The following PDGFRL variants were observed in gnomAD, a reference collection of about 807,000 sequenced individuals.
PDGFRL encodes the protein platelet derived growth factor receptor like.
In PDGFRL, 46 loss-of-function variants were observed where a neutral mutation model predicts 37.2. The ratio of observed to expected loss-of-function variants is 1.24; its 90% CI spans 0.98 to 1.58. The LOEUF (loss-of-function observed/expected upper bound fraction) is 1.58, where lower values mean the gene tolerates loss of function less well. Ranked by LOEUF, PDGFRL falls within the 40% of genes most tolerant of loss-of-function variation. The pLI, the probability that PDGFRL is intolerant of heterozygous loss-of-function variation, is 0.00. For synonymous variants in PDGFRL, 251 were observed against 184.3 expected (o/e 1.36, Z -2.93); for missense variants, 692 against 467.6 (o/e 1.48, Z -4.43).
chr8:17,577,351 T>A (rs1803608145), intron 1 of PDGFRL, 44 bp downstream of exon 1: 1 of 1,546,960 alleles, frequency 6.5e-7, no homozygotes, highest in African/African-American at 1.4e-5. Context: ...GTGCCCTGAC[T>A]TTAGCCGGGA....
chr8:17,608,867 G>A (rs1804343257), intron 2 of PDGFRL, among the ~76,000 whole-genome samples: 1 of 152,100 alleles, frequency 6.6e-6, no homozygotes, highest in Non-Finnish European at 1.5e-5. Flanking sequence ...TTGTGTAAGT[G>A]ATGACCTGAT....
At chr8:17,618,479 A>G (rs1585323229) in intron 2 of PDGFRL, among the ~76,000 whole-genome samples, 1 of 152,244 alleles carries the variant, frequency 6.6e-6, no homozygotes, top group African/African-American at 2.4e-5. Flanking sequence ...TAATTGGGAT[A>G]ACACAATGAA....
intron 2 of PDGFRL, among the ~76,000 whole-genome samples, chr8:17,618,644 C>T (rs1039584723): frequency 7.2e-5 from 11 of 152,176 alleles, no homozygotes; most frequent in Non-Finnish European, 4.4e-5. Context: ...TCAGTTTTCC[C>T]CCTCTGCAAA....
upstream of PDGFRL, chr8:17,576,772 T>C: frequency 1.6e-5 from 12 of 737,338 alleles, no homozygotes; most frequent in Non-Finnish European, 2.0e-5. Context: ...TGAGTGCATG[T>C]GGGGGAGAGA....
At chr8:17,584,464 G>T (rs977528877) in intron 1 of PDGFRL, among the ~76,000 whole-genome samples, 1 of 152,070 alleles carries the variant, frequency 6.6e-6, no homozygotes, top group Non-Finnish European at 1.5e-5. Context: ...GGGATTGTGT[G>T]AGGTCACTTA....
At chr8:17,594,755 G>T (rs138460655) in intron 2 of PDGFRL, among the ~76,000 whole-genome samples, 1 of 151,870 alleles carries the variant, frequency 6.6e-6, no homozygotes, top group Non-Finnish European at 1.5e-5. Context: ...GGGTTTCACC[G>T]TGGTCTCGAT....
intron 1 of PDGFRL, among the ~76,000 whole-genome samples, chr8:17,581,145 G>C (rs1803699315): frequency 6.6e-6 from 1 of 152,130 alleles, no homozygotes; most frequent in South Asian, 2.1e-4. Context: ...CAGTAAGACA[G>C]GGTGAGACAT....
chr8:17,603,172 C>T (rs1011756605), intron 2 of PDGFRL, among the ~76,000 whole-genome samples: 2 of 152,032 alleles, frequency 1.3e-5, no homozygotes, highest in South Asian at 2.1e-4. Context: ...TTAGTAGAGA[C>T]GGGGTTTTGC....
chr8:17,630,441 G>C (rs1362408221), intron 4 of PDGFRL, among the ~76,000 whole-genome samples: 1 of 152,200 alleles, frequency 6.6e-6, no homozygotes, highest in Non-Finnish European at 1.5e-5. Context: ...TGTTGGTCAT[G>C]TCGAGTTTCC....
At position 17,643,012 on chromosome 8, in the gene PDGFRL, T is replaced by G. The variant is rs963549656; in HGVS notation, c.*211T>G. The G allele has an allele frequency of 4.0e-6, 2 of 495,190 alleles. No homozygotes were observed. The highest frequency in any genetic ancestry group is 3.9e-5 in the Admixed American group (1 of 25,738). The allele number at this position is 495,190 out of a possible 1,614,324, so 30.7% of individuals were successfully genotyped here. A position where few individuals can be genotyped will look rare whatever the true frequency, so the allele number is the denominator to read the frequency against. On this transcript the variant is annotated 3_prime_UTR_variant, in exon 6 of 6. Transcript: ENST00000251630. The stretch of plus-strand genomic sequence containing the variant: ...TTAACTTTTCTAACAGAAAGCATGA[T>G]TTTGATTGCTTACCTACATACGTGT...
At chr8:17,596,600 C>G (rs908410558) in intron 2 of PDGFRL, among the ~76,000 whole-genome samples, 5 of 152,088 alleles carry the variant, frequency 3.3e-5, no homozygotes, top group African/African-American at 1.2e-4. Flanking sequence ...CATTTGAAAA[C>G]ATTTTAAAGA....
At chr8:17,620,000 T>C (rs528017489) in intron 2 of PDGFRL, among the ~76,000 whole-genome samples, 4 of 152,310 alleles carry the variant, frequency 2.6e-5, no homozygotes, top group South Asian at 4.1e-4. Context: ...TCTTGCTCTG[T>C]CACCCAGGCT....
At chr8:17,599,343 C>G (rs768027636) in intron 2 of PDGFRL, among the ~76,000 whole-genome samples, 1 of 152,206 alleles carries the variant, frequency 6.6e-6, no homozygotes, top group Non-Finnish European at 1.5e-5. Context: ...ATCATTCTTA[C>G]GCCTTTGTGT....
intron 1 of PDGFRL, among the ~76,000 whole-genome samples, chr8:17,578,573 C>A (rs2720575): frequency 6.6e-6 from 1 of 151,814 alleles, no homozygotes; most frequent in Non-Finnish European, 1.5e-5. Context: ...TGTGTGCAAC[C>A]GCTGAAAAGG....
At chr8:17,621,330 G>C (rs1804629573) in intron 3 of PDGFRL, 128 bp downstream of exon 3, 1 of 558,928 alleles carries the variant, frequency 1.8e-6, no homozygotes, top group East Asian at 3.1e-5. Flanking sequence ...CCAGGCTCTG[G>C]GCTAAATGCT....
intron 4 of PDGFRL, 91 bp downstream of exon 4, chr8:17,628,871 C>T: frequency 1.3e-6 from 1 of 796,834 alleles, no homozygotes; most frequent in Non-Finnish European, 2.1e-6. Flanking sequence ...AATAAGGAAG[C>T]TCCATGAGTG....
At chr8:17,582,658 T>C (rs142672260) in intron 1 of PDGFRL, among the ~76,000 whole-genome samples, 1 of 151,196 alleles carries the variant, frequency 6.6e-6, no homozygotes, top group East Asian at 1.9e-4. Flanking sequence ...GAATTTATTA[T>C]GAAAAGGGAA....
rs1415404510 is a variant in PDGFRL at position 17,642,751 on chromosome 8, C to G, written c.1078C>G (p.Gln360Glu). 9 of 1,610,916 alleles carry G rather than the reference C, an allele frequency of 5.6e-6. No homozygotes were observed. Among genetic ancestry groups the G allele is most frequent in the African/African-American group, 4.0e-5 (3 of 74,858 alleles). ...TGCAGGATATTACATTTGCACTGCT[C>G]AGAATCTTCAAGGACAGACCACAGT... ...IDAGYYICTA[Q>E]NLQGQTTVAT... The change falls in exon 6 of 6, where the codon CAG becomes GAG. Residue 360 changes from glutamine (Q) to glutamate (E), a missense_variant. Coordinates refer to ENST00000251630, the MANE Select transcript of PDGFRL (RefSeq NM_001372073.1).
At chr8:17,617,492 GC>G (rs1219659791) in intron 2 of PDGFRL, among the ~76,000 whole-genome samples, 26 of 152,148 alleles carry the variant, frequency 1.7e-4, no homozygotes, top group Non-Finnish European at 7.3e-5. Context: ...TGTCTCCCTT[GC>G]GTGACACGGA....
Sources: allele counts gnomAD v4.1 joint callset (sites outside exome capture counted in the v4.1 genomes callset), GRCh38; gene constraint gnomAD v4.1.1; transcripts MANE v1.5; gene names NCBI Gene and HGNC (gene_info 2026-07-23, HGNC 2026-07-21).